Variants in DNAJB6 observed in about 807,000 individuals in gnomAD.
The protein encoded by DNAJB6 is dnaJ homolog subfamily B member 6.
A neutral mutation model predicts 42.7 loss-of-function variants in DNAJB6; 16 were observed. The observed-to-expected ratio is 0.37, with a 90% CI of 0.25 to 0.57. The LOEUF (loss-of-function observed/expected upper bound fraction) is 0.57. Among genes scored for constraint, DNAJB6 ranks in the 20% least tolerant of loss-of-function variants. The pLI is 0.74. For synonymous variants in DNAJB6, 170 were observed against 163.5 expected (o/e 1.04, Z -0.30); for missense variants, 347 against 416.8 (o/e 0.83, Z 1.46).
chr7:157,409,925 C>G lies in DNAJB6; in HGVS notation c.822C>G (p.His274Gln). The G allele has an allele frequency of 6.5e-7, 1 of 1,536,284 alleles. No homozygotes were observed. The highest frequency in any genetic ancestry group is 8.7e-7 in the Non-Finnish European group (1 of 1,146,034). The change falls in exon 9 of 10, where the codon CAC becomes CAG. Residue 274 changes from histidine (H) to glutamine (Q), a missense_variant. His to Gln is a conservative substitution (Grantham distance 24). Transcript: ENST00000262177. ...RPASLLRHAP[H>Q]CLSEEEGEQD... is the part of the protein sequence containing the mutation. ...CCTCGCTGCTGAGACACGCGCCTCA[C>G]TGTCTCTCTGAGGAGGAGGGCGAGC... is the stretch of plus-strand genomic sequence containing the variant.
At position 157,416,391 on chromosome 7, in the gene DNAJB6, T is replaced by G; in HGVS notation, c.*293T>G. The stretch of plus-strand genomic sequence containing the variant: ...CCGGATCCTCTTCATTCTTTTCGGC[T>G]ACTCAACCACTCCGCATGCTGCTGG... On this transcript the variant is annotated 3_prime_UTR_variant, in exon 10 of 10. Transcript: ENST00000262177. 2.5e-6 allele frequency: 1 copy of G among 394,800 alleles called. No homozygotes were observed. The highest frequency in any genetic ancestry group is 4.7e-6 in the Non-Finnish European group (1 of 214,128). The allele number at this position is 394,800 out of a possible 1,614,324, so 24.5% of individuals were successfully genotyped here.
At chr7:157,379,667 T>C (rs548387839) in intron 5 of DNAJB6, 1 of 152,542 alleles carries the variant, frequency 6.6e-6, no homozygotes, top group South Asian at 2.1e-4. Flanking sequence ...AAATTTATTG[T>C]AGAGAAGGGG....
At chr7:157,383,198 G>C (rs1372015411) in intron 6 of DNAJB6, among the ~76,000 whole-genome samples, 1 of 152,108 alleles carries the variant, frequency 6.6e-6, no homozygotes, top group Non-Finnish European at 1.5e-5. Context: ...ATGGAGACAG[G>C]GTTTTTGTCG....
intron 1 of DNAJB6, chr7:157,337,384 C>T (rs1192363604): frequency 1.3e-5 from 2 of 152,040 alleles, no homozygotes; most frequent in Non-Finnish European, 2.9e-5. Flanking sequence ...CCGGCCGCGT[C>T]CTCCCCGCCC....
At chr7:157,377,559 C>G (rs1220324765) in intron 5 of DNAJB6, among the ~76,000 whole-genome samples, 1 of 152,188 alleles carries the variant, frequency 6.6e-6, no homozygotes, top group East Asian at 1.9e-4. Context: ...ACTGTGGAAG[C>G]TAGCCAGTAA....
At chr7:157,368,650 C>T (rs1799958586) in intron 5 of DNAJB6, 1 of 153,094 alleles carries the variant, frequency 6.5e-6, no homozygotes, top group African/African-American at 2.4e-5. Flanking sequence ...TTAGCTGTCT[C>T]CTGTTAGAGT....
intron 1 of DNAJB6, among the ~76,000 whole-genome samples, chr7:157,355,904 C>T (rs1046292051): frequency 3.9e-5 from 6 of 152,202 alleles, no homozygotes; most frequent in Non-Finnish European, 7.3e-5. Flanking sequence ...CAGCATTCCC[C>T]AGCTGGCCAC....
chr7:157,353,310 C>T (rs1325584845), intron 1 of DNAJB6, among the ~76,000 whole-genome samples: 1 of 152,084 alleles, frequency 6.6e-6, no homozygotes, highest in Non-Finnish European at 1.5e-5. Context: ...TTTAGATTTA[C>T]AGAAAAGTTG....
intron 1 of DNAJB6, among the ~76,000 whole-genome samples, chr7:157,339,464 A>ATT (rs1233710896): frequency 6.6e-6 from 1 of 150,696 alleles, no homozygotes; most frequent in East Asian, 2.0e-4. Context: ...CAGCCGGCTA[A>ATT]TTTTTTTGTA....
intron 8 of DNAJB6, among the ~76,000 whole-genome samples, chr7:157,396,566 GC>G (rs2117146339): frequency 6.6e-6 from 1 of 152,344 alleles, no homozygotes; most frequent in Admixed American, 6.5e-5. Context: ...AGGAGGCCTG[GC>G]CCTGTGGGTT....
At chr7:157,352,896 C>T (rs1371084210) in intron 1 of DNAJB6, among the ~76,000 whole-genome samples, 5 of 152,096 alleles carry the variant, frequency 3.3e-5, no homozygotes, top group African/African-American at 9.7e-5. Flanking sequence ...CAAGTTCCTA[C>T]GCTGTGAACA....
At chr7:157,353,968 T>G (rs1799143731) in intron 1 of DNAJB6, among the ~76,000 whole-genome samples, 1 of 151,314 alleles carries the variant, frequency 6.6e-6, no homozygotes, top group Non-Finnish European at 1.5e-5. Flanking sequence ...CTGGCCTGAG[T>G]CTGTGATTTT....
chr7:157,382,309 C>T lies in DNAJB6; in HGVS notation c.410C>T (p.Thr137Met), dbSNP rs149027078. The change falls in exon 6 of 10, where the codon ACG becomes ATG. Residue 137 changes from threonine (T) to methionine (M), a missense_variant. Around this residue, in one of 3 missense-constraint regions of DNAJB6, gnomAD observed 264 missense variants for 288.0 expected, o/e 0.92. Transcript: ENST00000262177. ...CCCCGAGGAAGCAGAAGCCGAGGGA[C>T]GGGGTCGTTTTTCTCTGCGTTCAGT... ...RGPRGSRSRG[T>M]GSFFSAFSGF... 255 of 1,611,758 alleles carry T rather than the reference C, an allele frequency of 1.6e-4. 1 individual carries two copies. Among genetic ancestry groups the T allele is most frequent in the Non-Finnish European group, 1.9e-4 (230 of 1,179,634 alleles).
intron 1 of DNAJB6, among the ~76,000 whole-genome samples, chr7:157,345,894 T>C (rs531080509): frequency 1.2e-3 from 180 of 152,248 alleles, no homozygotes; most frequent in Middle Eastern, 3.4e-3. Context: ...TATATTATTT[T>C]AAAATGCAGG....
chr7:157,379,247 T>C (rs1019696762), intron 5 of DNAJB6: 1 of 152,238 alleles, frequency 6.6e-6, no homozygotes, highest in Non-Finnish European at 1.5e-5. Flanking sequence ...CTGTTACCAC[T>C]GAGACACGGG....
At chr7:157,410,128 CG>C in intron 9 of DNAJB6, 127 bp downstream of exon 9, 1 of 1,412,136 alleles carries the variant, frequency 7.1e-7, no homozygotes, top group South Asian at 1.5e-5. Flanking sequence ...GGCGGTCGGG[CG>C]GGGCGGGAGG....
At chr7:157,405,150 C>A (rs79316467) in intron 8 of DNAJB6, among the ~76,000 whole-genome samples, 5 of 152,178 alleles carry the variant, frequency 3.3e-5, no homozygotes, top group African/African-American at 1.2e-4. Context: ...ATGTGGGACG[C>A]GGCGATGGCA....
chr7:157,354,043 T>G (rs955008355), intron 1 of DNAJB6, among the ~76,000 whole-genome samples: 2 of 152,242 alleles, frequency 1.3e-5, no homozygotes, highest in Admixed American at 1.3e-4. Flanking sequence ...TTTATTTCAA[T>G]TTAATTCTGA....
intron 5 of DNAJB6, 100 bp from the exon 6 acceptor site, chr7:157,382,146 G>T: frequency 7.4e-7 from 1 of 1,352,846 alleles, no homozygotes; most frequent in Non-Finnish European, 9.9e-7. Flanking sequence ...TTTTGTTCCT[G>T]AATATGTTAC....
Sources: gnomAD v4.1 joint callset for allele counts (sites outside exome capture counted in the v4.1 genomes callset) on GRCh38, gnomAD v4.1.1 for gene constraint, gnomAD v4.1.1 regional missense constraint, MANE v1.5 for transcripts, NCBI Gene and HGNC (gene_info 2026-07-23, HGNC 2026-07-21) for gene names.